Variants in ABCB1 observed in about 807,000 individuals in gnomAD.
ABCB1 encodes the protein ATP binding cassette subfamily B member 1, also known as ATP-dependent translocase ABCB1.
A neutral mutation model predicts 142.0 loss-of-function variants in ABCB1; 69 were observed. The ratio of observed to expected loss-of-function variants is 0.49; its 90% CI spans 0.40 to 0.59. ABCB1 has a LOEUF of 0.59. Ranked by LOEUF, ABCB1 falls within the 20% of genes least tolerant of loss-of-function variation. The probability of loss-of-function intolerance (pLI) is 0.00; values close to 1 mark genes in which losing one functional copy is unlikely to be tolerated. For missense variants in ABCB1, 1,326 were observed against 1,554.7 expected, an observed-to-expected ratio of 0.85 and a Z score of 2.47; for synonymous variants, 532 against 539.2, an observed-to-expected ratio of 0.99 and a Z score of 0.18.
chr7:87,542,357 TG>T (rs1816578175), intron 17 of ABCB1, among the ~76,000 whole-genome samples: 1 of 152,234 alleles, frequency 6.6e-6, no homozygotes, highest in African/African-American at 2.4e-5. Flanking sequence ...TCCAGAAGTA[TG>T]ATTTATTATC....
chr7:87,543,569 T>C (rs1196946307), intron 17 of ABCB1, among the ~76,000 whole-genome samples: 3 of 152,170 alleles, frequency 2.0e-5, no homozygotes, highest in African/African-American at 7.2e-5. Flanking sequence ...TCCTTTCAGA[T>C]TGTAACTTTA....
intron 1 of ABCB1, among the ~76,000 whole-genome samples, chr7:87,613,925 G>T (rs141483631): frequency 5.6e-4 from 85 of 152,244 alleles, no homozygotes; most frequent in African/African-American, 1.6e-3. Context: ...TCTATAAAAA[G>T]AAATTACCAG....
chr7:87,527,761 T>C (rs1341302216), intron 21 of ABCB1, among the ~76,000 whole-genome samples: 1 of 152,192 alleles, frequency 6.6e-6, no homozygotes, highest in Non-Finnish European at 1.5e-5. Flanking sequence ...TTTAAGCAGG[T>C]ACAACACTTG....
chr7:87,712,506 A>T (rs897297120), intron 1 of ABCB1, among the ~76,000 whole-genome samples: 7 of 152,094 alleles, frequency 4.6e-5, no homozygotes, highest in Non-Finnish European at 1.0e-4. Flanking sequence ...AGAATATTGA[A>T]TCAAAGTTAT....
chr7:87,633,081 A>G (rs1821391154), intron 1 of ABCB1, among the ~76,000 whole-genome samples: 1 of 152,222 alleles, frequency 6.6e-6, no homozygotes, highest in Admixed American at 6.5e-5. Flanking sequence ...CAGAACTTGA[A>G]TATTATTTCA....
chr7:87,547,367 A>T (rs528698701), intron 14 of ABCB1, among the ~76,000 whole-genome samples: 2 of 152,354 alleles, frequency 1.3e-5, no homozygotes, highest in Non-Finnish European at 2.9e-5. Flanking sequence ...ATTTTAAAAT[A>T]TAACCTTTTA....
chr7:87,532,235 C>A (rs965292182), intron 20 of ABCB1, among the ~76,000 whole-genome samples: 4 of 152,192 alleles, frequency 2.6e-5, no homozygotes, highest in Non-Finnish European at 4.4e-5. Context: ...TGGAAATATT[C>A]TGTGCCCTCA....
chr7:87,602,316 T>TTC (rs1307774456), upstream of ABCB1, among the ~76,000 whole-genome samples: 6 of 144,284 alleles, frequency 4.2e-5, no homozygotes, highest in Admixed American at 1.4e-4. Context: ...TTTTTTTTTT[T>TTC]TCACAAATTG....
At chr7:87,535,197 T>C (rs1816235955) in intron 20 of ABCB1, among the ~76,000 whole-genome samples, 1 of 152,308 alleles carries the variant, frequency 6.6e-6, no homozygotes, top group East Asian at 1.9e-4. Flanking sequence ...ATAGTGATCC[T>C]TTCAAAATTT....
chr7:87,559,819 C>T (rs1253096894), intron 8 of ABCB1, among the ~76,000 whole-genome samples: 3 of 152,090 alleles, frequency 2.0e-5, no homozygotes, highest in African/African-American at 7.2e-5. Context: ...TGTTTTCCTC[C>T]AGCTGAGAAA....
chr7:87,608,457 G>T (rs1016841116), intron 1 of ABCB1, among the ~76,000 whole-genome samples: 1 of 152,168 alleles, frequency 6.6e-6, no homozygotes, highest in Non-Finnish European at 1.5e-5. Flanking sequence ...TTATTCTGAA[G>T]ATTATTCCTC....
intron 4 of ABCB1, among the ~76,000 whole-genome samples, chr7:87,579,113 A>G (rs1563061055): frequency 6.6e-6 from 1 of 152,208 alleles, no homozygotes; most frequent in African/African-American, 2.4e-5. Flanking sequence ...CACTCCTAAT[A>G]GTTATTTGTT....
Position 87,566,814 on chromosome 7 carries a change from A to G in ABCB1, c.501T>C (p.Asp167=), listed in dbSNP as rs1490034865. ...RQEIGWFDVH[D]VGELNTRLTD... ...TAAGTCGGGTGTTAAGCTCCCCAAC[A>G]TCGTGCACATCAAACCAGCCTATCT... The change falls in exon 6 of 28, where the codon GAT becomes GAC. Residue 167 remains aspartate (D), a synonymous_variant. Transcript: ENST00000622132. The G allele has an allele frequency of 5.0e-6, 8 of 1,614,036 alleles. No homozygotes were observed. In the South Asian group the frequency reaches 8.8e-5, roughly 18 times the overall value.
Position 87,700,558 on chromosome 7 carries a change from A to G in ABCB1, c.-331+12603T>C, listed in dbSNP as rs1320716962. 4 of 1,607,248 alleles carry G rather than the reference A, an allele frequency of 2.5e-6. No homozygotes were observed. The Admixed American group carries it at 5.1e-5, about 20-fold the overall frequency. On this transcript the variant is annotated intron_variant, in intron 1 of 28. Transcript: ENST00000265724. Reference sequence around the variant, plus strand: ...TGTCAGTTCTTCTAGAGCTAAGGTAAGACATTGGTCAGAGACTCGTTTCTA... The same window carrying G: ...TGTCAGTTCTTCTAGAGCTAAGGTAGGACATTGGTCAGAGACTCGTTTCTA...
intron 1 of ABCB1, among the ~76,000 whole-genome samples, chr7:87,610,232 CTTTTTTTTT>C (rs914468581): frequency 2.6e-5 from 3 of 117,056 alleles, no homozygotes; most frequent in African/African-American, 9.7e-5. Flanking sequence ...CTTTTTCTTT[CTTTTTTTTT>C]TTTTTTTTTT....
intron 21 of ABCB1, among the ~76,000 whole-genome samples, chr7:87,530,492 A>C (rs1422262634): frequency 2.0e-5 from 3 of 152,124 alleles, no homozygotes; most frequent in Non-Finnish European, 4.4e-5. Context: ...TATGGTTGCT[A>C]TAAGGAATAA....
At chr7:87,615,437 T>C (rs543664008) in intron 1 of ABCB1, among the ~76,000 whole-genome samples, 2 of 152,322 alleles carry the variant, frequency 1.3e-5, no homozygotes, top group East Asian at 3.9e-4. Flanking sequence ...TAGGCTATCT[T>C]GAGGACTTCG....
At chr7:87,662,056 G>C (rs1475566812) in intron 1 of ABCB1, among the ~76,000 whole-genome samples, 2 of 152,028 alleles carry the variant, frequency 1.3e-5, no homozygotes, top group Non-Finnish European at 2.9e-5. Context: ...GTCTTCTTTT[G>C]AGAAACATCT....
intron 23 of ABCB1, among the ~76,000 whole-genome samples, chr7:87,518,111 G>A (rs937854023): frequency 6.6e-6 from 1 of 152,004 alleles, no homozygotes; most frequent in Non-Finnish European, 1.5e-5. Context: ...CAGAATACAG[G>A]GAATTCATCG....
Sources: gnomAD v4.1 joint callset for allele counts (sites outside exome capture counted in the v4.1 genomes callset) on GRCh38, gnomAD v4.1.1 for gene constraint, MANE v1.5 for transcripts, NCBI Gene and HGNC (gene_info 2026-07-23, HGNC 2026-07-21) for gene names.